The following ORC3 variants were observed in gnomAD, a reference collection of about 807,000 sequenced individuals.
ORC3 encodes origin recognition complex subunit 3, also known as homolog of latheo, Drosophila.
Under a neutral mutation model 100.7 loss-of-function variants are expected in ORC3, and 78 were observed. That is an observed-to-expected ratio of 0.77 (90% CI 0.65 to 0.94). The LOEUF is 0.94. ORC3 is among the 40% of genes least tolerant of loss of function. The pLI is 0.00. For missense variants in ORC3, 789 were observed against 823.9 expected (o/e 0.96, Z 0.52); for synonymous variants, 295 against 289.3 (o/e 1.02, Z -0.20).
At chr6:87,612,281 A>T in intron 8 of ORC3, 33 bp downstream of exon 8, 1 of 1,506,606 alleles carries the variant, frequency 6.6e-7, no homozygotes, top group African/African-American at 1.4e-5. Context: ...GTGAAATAGG[A>T]TGAAAAGAAA....
intron 12 of ORC3, among the ~76,000 whole-genome samples, chr6:87,636,007 C>T (rs1367450063): frequency 6.7e-6 from 1 of 149,986 alleles, no homozygotes; most frequent in Non-Finnish European, 1.5e-5. Context: ...TGCAGTGGCG[C>T]AATCTCGGCT....
At chr6:87,672,767 T>C in the ORC3 span, among the ~76,000 whole-genome samples, 1 of 152,186 alleles carries the variant, frequency 6.6e-6, no homozygotes, top group African/African-American at 2.4e-5. Context: ...GTGCTTGCCA[T>C]AGGCCAAAGA....
intron 11 of ORC3, among the ~76,000 whole-genome samples, 154 bp from the exon 12 acceptor site, chr6:87,634,691 T>A (rs565958655): frequency 6.6e-6 from 1 of 152,270 alleles, no homozygotes; most frequent in African/African-American, 2.4e-5. Flanking sequence ...GCCTGTATTC[T>A]GGATTTTATA....
At chr6:87,643,239 C>T (rs1456650206) in intron 13 of ORC3, among the ~76,000 whole-genome samples, 1 of 152,096 alleles carries the variant, frequency 6.6e-6, no homozygotes, top group Non-Finnish European at 1.5e-5. Context: ...ATCAGGAGGT[C>T]AGAGAATTAG....
At chr6:87,610,934 C>CTTT (rs67349945) in intron 7 of ORC3, among the ~76,000 whole-genome samples, 135 of 106,774 alleles carry the variant, frequency 1.3e-3, no homozygotes, top group Non-Finnish European at 1.7e-3. Context: ...TAGGACTTTT[C>CTTT]TTTTTTTTTT....
chr6:87,607,714 G>A lies in ORC3; in HGVS notation c.469G>A (p.Asp157Asn), dbSNP rs1778444920. Residue 157 changes from aspartate to asparagine, a missense_variant, in exon 6 of 20, where the codon GAC becomes AAC. Around this residue, in one of 3 missense-constraint regions of ORC3, gnomAD observed 399 missense variants for 382.0 expected, o/e 1.04. Transcript: ENST00000392844. ...GCAAAAGTTGATCTCACAGTTGATG[G>A]ACTGCTGTGTAGATATAAAATCCAA... ...FLQKLISQLM[D>N]CCVDIKSKEE... The A allele has an allele frequency of 6.2e-7, 1 of 1,609,342 alleles. No individual in the cohort carries two copies. Among genetic ancestry groups the A allele is most frequent in the Non-Finnish European group, 8.5e-7 (1 of 1,177,512 alleles).
chr6:87,603,040 C>T (rs1414022128), intron 3 of ORC3, among the ~76,000 whole-genome samples: 2 of 145,994 alleles, frequency 1.4e-5, no homozygotes, highest in Non-Finnish European at 3.0e-5. Flanking sequence ...CGTGTAGTGG[C>T]ATGATCATAG....
chr6:87,595,673 T>G (rs1350115813), intron 2 of ORC3, among the ~76,000 whole-genome samples: 1 of 152,232 alleles, frequency 6.6e-6, no homozygotes, highest in Non-Finnish European at 1.5e-5. Context: ...ACTCTTCATT[T>G]CATAAAACAA....
rs762938777 is a variant in ORC3 at position 87,658,016 on chromosome 6, G to A, written c.1689G>A (p.Val563=). ...ENVVNFIDCL[V]REYLLPPETQ... ...TTGTGAACTTCATTGACTGTCTAGTGAGGTAAGTCTAAATTTAGCTCTTAA... is the reference window on the plus strand; with the variant it reads ...TTGTGAACTTCATTGACTGTCTAGTAAGGTAAGTCTAAATTTAGCTCTTAA... The change falls in exon 16 of 20, where the codon GTG becomes GTA. Residue 563 remains valine (V), a splice_region_variant and synonymous_variant. Coordinates refer to ENST00000392844, the MANE Select transcript of ORC3 (RefSeq NM_012381.4). 6.4e-7 allele frequency: 1 copy of A among 1,566,502 alleles called. No individual in the cohort carries two copies. The highest frequency in any genetic ancestry group is 8.8e-7 in the Non-Finnish European group (1 of 1,137,658).
intron 4 of ORC3, among the ~76,000 whole-genome samples, chr6:87,604,929 A>C (rs957337906): frequency 3.9e-5 from 6 of 152,216 alleles, no homozygotes; most frequent in Non-Finnish European, 7.3e-5. Context: ...AAAGTTTTGC[A>C]GCTGTAACTC....
chr6:87,648,406 T>G (rs1768972649), intron 13 of ORC3, among the ~76,000 whole-genome samples: 1 of 152,236 alleles, frequency 6.6e-6, no homozygotes, highest in Non-Finnish European at 1.5e-5. Flanking sequence ...ATATATGGTG[T>G]TCCACACTTG....
At chr6:87,631,821 T>C (rs1011001591) in intron 11 of ORC3, among the ~76,000 whole-genome samples, 1 of 152,142 alleles carries the variant, frequency 6.6e-6, no homozygotes, top group African/African-American at 2.4e-5. Flanking sequence ...CAAAACCTTT[T>C]ACAGGTTTGA....
chr6:87,618,509 A>G (rs1162506489), intron 9 of ORC3, among the ~76,000 whole-genome samples: 1 of 152,186 alleles, frequency 6.6e-6, no homozygotes, highest in Non-Finnish European at 1.5e-5. Context: ...AGTCAGTGCT[A>G]TGAAAGAAAC....
Position 87,598,765 on chromosome 6 carries a change from G to A in ORC3, c.80-3019G>A, listed in dbSNP as rs565346841. ...TATAAGGCAGATGGAGCAGGAATGA[G>A]GGAAACATACCCAGACTTTAACATT... On this transcript the variant is annotated intron_variant, in intron 2 of 19. Transcript: ENST00000392844. 8.3e-4 allele frequency among the ~76,000 whole-genome samples: 126 copies of A among 152,166 alleles called. 2 individuals are homozygous for A. The highest frequency in any genetic ancestry group is 2.8e-4 in the Non-Finnish European group (19 of 68,002).
chr6:87,593,777 G>T (rs1275507324), intron 1 of ORC3, among the ~76,000 whole-genome samples: 2 of 152,214 alleles, frequency 1.3e-5, no homozygotes, highest in Non-Finnish European at 2.9e-5. Context: ...GCCCACTGCA[G>T]CCTCCATCTC....
At chr6:87,616,480 G>A in intron 9 of ORC3, 53 bp downstream of exon 9, 1 of 769,980 alleles carries the variant, frequency 1.3e-6, no homozygotes, top group Non-Finnish European at 2.3e-6. Flanking sequence ...TAAATAATTT[G>A]CACATTATTT....
intron 1 of ORC3, among the ~76,000 whole-genome samples, chr6:87,592,943 A>T (rs572567605): frequency 6.6e-6 from 1 of 151,654 alleles, no homozygotes; most frequent in South Asian, 2.1e-4. Context: ...AATACAATAA[A>T]TTAGCCAGGC....
rs1435421628 is a variant in ORC3 at position 87,603,480 on chromosome 6, G to A, written c.274G>A (p.Gly92Ser). The A allele has an allele frequency of 1.3e-6, 2 of 1,529,946 alleles. No individual in the cohort carries two copies. Among genetic ancestry groups the A allele is most frequent in the Non-Finnish European group, 1.8e-6 (2 of 1,121,494 alleles). The allele number at this position is 1,529,946 out of a possible 1,614,324, so 94.8% of individuals were successfully genotyped here. The change falls in exon 4 of 20, where the codon GGC (glycine) becomes AGC (serine). Residue 92 changes from glycine (G) to serine (S), a missense_variant. Gly to Ser is a moderately conservative substitution (Grantham distance 56). Coordinates refer to ENST00000392844, the MANE Select transcript of ORC3 (RefSeq NM_012381.4). ...ATTCCAGAAGAATTCAAGAGACTTG[G>A]GCGGTCAAATAAAACTCAGAGAAAT... ...SGFQKNSRDL[G>S]GQIKLREIPT...
At chr6:87,676,012 T>A in the ORC3 span, 1 of 1,178,056 alleles carries the variant, frequency 8.5e-7, no homozygotes, top group Non-Finnish European at 1.2e-6. Context: ...AAATATACAG[T>A]AAAACAATTC....
Sources: allele counts gnomAD v4.1 joint callset (sites outside exome capture counted in the v4.1 genomes callset), GRCh38; gene constraint gnomAD v4.1.1; regional missense constraint gnomAD v4.1.1; transcripts MANE v1.5; gene names NCBI Gene and HGNC (gene_info 2026-07-23, HGNC 2026-07-21).